ABHD17C: variants seen among roughly 807,000 people sequenced by gnomAD.
The protein encoded by ABHD17C is alpha/beta hydrolase domain-containing protein 17C.
A neutral mutation model predicts 27.9 loss-of-function variants in ABHD17C; 11 were observed. The observed-to-expected ratio is 0.39, with a 90% CI of 0.25 to 0.65. The LOEUF (loss-of-function observed/expected upper bound fraction) is 0.65, where lower values mean the gene tolerates loss of function less well. Among genes scored for constraint, ABHD17C ranks in the 30% least tolerant of loss-of-function variants. The pLI is 0.45. For synonymous variants in ABHD17C, 233 were observed against 209.1 expected (o/e 1.11, Z -0.98); for missense variants, 280 against 470.2 (o/e 0.60, Z 3.74).
At chr15:80,736,661 T>C (rs916851378) in intron 1 of ABHD17C, among the ~76,000 whole-genome samples, 2 of 152,242 alleles carry the variant, frequency 1.3e-5, no homozygotes, top group Non-Finnish European at 2.9e-5. Flanking sequence ...TTAAGATATT[T>C]CCACTAGGAA....
chr15:80,707,592 T>A (rs1226263855), intron 1 of ABHD17C, among the ~76,000 whole-genome samples: 2 of 150,508 alleles, frequency 1.3e-5, no homozygotes, highest in African/African-American at 4.9e-5. Flanking sequence ...ACGCAAAAAA[T>A]CTCACAATGT....
chr15:80,702,008 T>C (rs1894580333), intron 1 of ABHD17C, among the ~76,000 whole-genome samples: 1 of 152,188 alleles, frequency 6.6e-6, no homozygotes, highest in Non-Finnish European at 1.5e-5. Context: ...ACTCTCCTCT[T>C]GCCACAATTT....
At chr15:80,744,109 C>G (rs1480598470) in intron 1 of ABHD17C, among the ~76,000 whole-genome samples, 1 of 151,098 alleles carries the variant, frequency 6.6e-6, no homozygotes, top group Admixed American at 6.6e-5. Flanking sequence ...TCTTTTTTCC[C>G]CCCTCTGTCT....
At chr15:80,749,914 G>C (rs1895343128) in intron 2 of ABHD17C, among the ~76,000 whole-genome samples, 1 of 152,168 alleles carries the variant, frequency 6.6e-6, no homozygotes, top group African/African-American at 2.4e-5. Context: ...TGATGTATAA[G>C]GACCTTGAGT....
Position 80,695,415 on chromosome 15 carries a change from C to G in ABHD17C, c.-15C>G. On this transcript the variant is annotated 5_prime_UTR_variant, in exon 1 of 3. Coordinates refer to ENST00000258884, the MANE Select transcript of ABHD17C (RefSeq NM_021214.2). This position sits in a 1 kb window ranked among gnomAD's most constrained non-coding sequence, Gnocchi z 4.3. ...GCCAGCCAGCCGGGCCGGCGGCGGG[C>G]ACCAGGCCGTCCCGATGCCCGAGCC... is the stretch of plus-strand genomic sequence containing the variant. 7.9e-7 allele frequency: 1 copy of G among 1,273,702 alleles called. No homozygotes were observed. The allele number at this position is 1,273,702 out of a possible 1,614,324, so 78.9% of individuals were successfully genotyped here.
intron 1 of ABHD17C, among the ~76,000 whole-genome samples, chr15:80,742,148 A>G (rs1205326011): frequency 6.6e-6 from 1 of 152,234 alleles, no homozygotes; most frequent in Non-Finnish European, 1.5e-5. Flanking sequence ...ATATACATAT[A>G]TAAGAGGAGA....
intron 1 of ABHD17C, among the ~76,000 whole-genome samples, chr15:80,740,967 C>T (rs866957919): frequency 2.0e-5 from 3 of 152,174 alleles, no homozygotes; most frequent in Non-Finnish European, 2.9e-5. Context: ...GATGAAAACA[C>T]GTGTTTAGTG....
chr15:80,742,994 TGGGTGGGA>T (rs902895231), intron 1 of ABHD17C, among the ~76,000 whole-genome samples: 2 of 1,970 alleles, frequency 1.0e-3, no homozygotes, highest in African/African-American at 5.1e-3. Flanking sequence ...TAGGGTTGAG[TGGGTGGGA>T]GGGTGGGGTG....
chr15:80,726,597 C>T (rs959976484), intron 1 of ABHD17C, among the ~76,000 whole-genome samples: 10 of 125,286 alleles, frequency 8.0e-5, no homozygotes, highest in East Asian at 3.5e-4. Context: ...CTGCAAGCTC[C>T]GCCCCCCCGC....
At chr15:80,746,618 A>G (rs1298305325) in intron 1 of ABHD17C, among the ~76,000 whole-genome samples, 1 of 152,184 alleles carries the variant, frequency 6.6e-6, no homozygotes, top group Non-Finnish European at 1.5e-5. Context: ...GAGAATCCTC[A>G]AGCACAATAG....
chr15:80,699,078 C>G (rs533077977), intron 1 of ABHD17C, among the ~76,000 whole-genome samples: 25 of 152,338 alleles, frequency 1.6e-4, no homozygotes, highest in Non-Finnish European at 2.6e-4. Context: ...TGGATCCTGA[C>G]TGGATCTTAA....
chr15:80,752,398 A>G (rs1895376863), intron 2 of ABHD17C, among the ~76,000 whole-genome samples: 1 of 152,208 alleles, frequency 6.6e-6, no homozygotes, highest in South Asian at 2.1e-4. Flanking sequence ...AATAAAGGCT[A>G]GATGACAGTT....
chr15:80,754,318 A>G lies in ABHD17C; in HGVS notation c.938A>G (p.Gln313Arg). ...AGHNDIELYA[Q>R]YLERLKQFIS... ...CATAATGACATAGAGCTTTATGCAC[A>G]ATACCTAGAAAGACTAAAACAGTTC... Residue 313 changes from glutamine (Q) to arginine (R), a missense_variant, in exon 3 of 3, where the codon CAA (glutamine) becomes CGA (arginine). Physicochemically the swap from Gln to Arg is conservative, Grantham distance 43 (BLOSUM62 1). Transcript: ENST00000258884. The G allele has an allele frequency of 1.2e-6, 2 of 1,613,976 alleles. No homozygotes were observed. Among genetic ancestry groups the G allele is most frequent in the Non-Finnish European group, 1.7e-6 (2 of 1,179,892 alleles).
chr15:80,718,720 G>A (rs1399896733), intron 1 of ABHD17C, among the ~76,000 whole-genome samples: 1 of 152,154 alleles, frequency 6.6e-6, no homozygotes, highest in African/African-American at 2.4e-5. Flanking sequence ...TTTTAGATCA[G>A]ATTCTTAAAT....
At chr15:80,736,473 C>T (rs758006327) in intron 1 of ABHD17C, among the ~76,000 whole-genome samples, 64 of 152,214 alleles carry the variant, frequency 4.2e-4, no homozygotes, top group Non-Finnish European at 6.2e-4. Flanking sequence ...CCTATTTACA[C>T]ACCTGCTTCC....
intron 1 of ABHD17C, among the ~76,000 whole-genome samples, chr15:80,743,899 A>G (rs1220233400): frequency 2.0e-5 from 3 of 152,164 alleles, no homozygotes; most frequent in South Asian, 2.1e-4. Context: ...TGTCGCCTAT[A>G]TTGTTTCTGG....
intron 1 of ABHD17C, among the ~76,000 whole-genome samples, chr15:80,708,657 A>T (rs1282444084): frequency 1.3e-5 from 2 of 152,220 alleles, no homozygotes; most frequent in Non-Finnish European, 2.9e-5. Context: ...GGGCAGGCTT[A>T]ACTCTGCGTG....
Position 80,718,325 on chromosome 15 carries a change from T to G in ABHD17C, c.590+22306T>G, listed in dbSNP as rs563032131. On this transcript the variant is annotated intron_variant, in intron 1 of 2. Coordinates refer to ENST00000258884, the MANE Select transcript of ABHD17C (RefSeq NM_021214.2). ...TGTCTTCTTGTAATTTTATTTTATT[T>G]TTAAATTTTATTTATTTATTTTTTT... 2.6e-5 allele frequency among the ~76,000 whole-genome samples: 4 copies of G among 152,164 alleles called. No individual in the cohort carries two copies. The East Asian group carries it at 7.7e-4, about 29-fold the overall frequency.
intron 1 of ABHD17C, among the ~76,000 whole-genome samples, chr15:80,741,272 T>TA (rs1895205545): frequency 6.6e-6 from 1 of 152,150 alleles, no homozygotes; most frequent in Admixed American, 6.6e-5. Context: ...TTTAATGCAT[T>TA]AAAAAAAGAT....
Sources: allele counts gnomAD v4.1 joint callset (sites outside exome capture counted in the v4.1 genomes callset), GRCh38; gene constraint gnomAD v4.1.1; non-coding constraint Gnocchi (gnomAD v3.1); transcripts MANE v1.5; gene names NCBI Gene and HGNC (gene_info 2026-07-23, HGNC 2026-07-21).